The following SSH2 variants were observed in gnomAD, a reference collection of about 807,000 sequenced individuals.
SSH2 encodes the protein protein phosphatase Slingshot homolog 2.
SSH2 carries 37 observed loss-of-function variants against 135.2 expected under a neutral mutation model. The observed-to-expected ratio is 0.27, with a 90% confidence interval of 0.21 to 0.36. The LOEUF (loss-of-function observed/expected upper bound fraction) is 0.36. Ranked by LOEUF, SSH2 falls within the 10% of genes least tolerant of loss-of-function variation. The pLI, the probability that SSH2 is intolerant of heterozygous loss-of-function variation, is 1.00. For synonymous variants in SSH2, 628 were observed against 646.2 expected (o/e 0.97, Z 0.43); for missense variants, 1,408 against 1,765.3 (o/e 0.80, Z 3.63).
At chr17:29,841,892 ATTTTTT>A (rs770836134) in intron 2 of SSH2, among the ~76,000 whole-genome samples, 1 of 99,648 alleles carries the variant, frequency 1.0e-5, no homozygotes, top group African/African-American at 3.9e-5. Context: ...CCCTTGGCTA[ATTTTTT>A]TTTTTTTTTT....
chr17:29,741,794 T>G (rs2040564049), intron 3 of SSH2, among the ~76,000 whole-genome samples: 1 of 151,936 alleles, frequency 6.6e-6, no homozygotes, highest in African/African-American at 2.4e-5. Context: ...TTTTCTATTT[T>G]TGGTAGAGAC....
At chr17:29,884,488 G>C (rs1370421827) in intron 1 of SSH2, among the ~76,000 whole-genome samples, 1 of 152,122 alleles carries the variant, frequency 6.6e-6, no homozygotes, top group African/African-American at 2.4e-5. Context: ...ACAGCTTCAA[G>C]AGACTACAAA....
At chr17:29,924,859 G>A (rs1411558736) in intron 1 of SSH2, among the ~76,000 whole-genome samples, 1 of 152,182 alleles carries the variant, frequency 6.6e-6, no homozygotes, top group East Asian at 1.9e-4. Flanking sequence ...CACAAACTTA[G>A]ATGATTCTGT....
intron 1 of SSH2, chr17:29,856,030 G>C (rs1362102976): frequency 2.6e-6 from 1 of 391,270 alleles, no homozygotes; most frequent in Non-Finnish European, 5.0e-6. Context: ...TACAAGATGA[G>C]GTCTGTGCAT....
intron 3 of SSH2, among the ~76,000 whole-genome samples, chr17:29,756,779 G>A (rs998410022): frequency 6.6e-6 from 1 of 151,740 alleles, no homozygotes; most frequent in Non-Finnish European, 1.5e-5. Flanking sequence ...CTCAGCCTCC[G>A]GAGTAGCTGG....
At chr17:29,667,375 T>C in intron 9 of SSH2, 152 bp from the exon 10 acceptor site, 1 of 630,232 alleles carries the variant, frequency 1.6e-6, no homozygotes. Flanking sequence ...AGAGCGTGGG[T>C]CCCCAGTGAG....
chr17:29,870,086 G>A (rs887252903), intron 1 of SSH2, among the ~76,000 whole-genome samples: 1 of 151,678 alleles, frequency 6.6e-6, no homozygotes, highest in Non-Finnish European at 1.5e-5. Context: ...TCTATTTCTA[G>A]GAATTGATTA....
intron 2 of SSH2, among the ~76,000 whole-genome samples, chr17:29,802,546 T>A (rs1337365079): frequency 7.2e-6 from 1 of 138,802 alleles, no homozygotes; most frequent in Admixed American, 8.1e-5. Flanking sequence ...ACTTTGGAAG[T>A]CCAAGGTAGG....
intron 3 of SSH2, among the ~76,000 whole-genome samples, chr17:29,792,563 G>A (rs1288416805): frequency 3.9e-5 from 6 of 152,020 alleles, no homozygotes; most frequent in Non-Finnish European, 4.4e-5. Flanking sequence ...AAAAACTACC[G>A]ATAATCTCAG....
chr17:29,684,742 T>C (rs2038140408), intron 5 of SSH2, 58 bp from the exon 6 acceptor site: 2 of 1,532,202 alleles, frequency 1.3e-6, no homozygotes, highest in Non-Finnish European at 1.8e-6. Context: ...TTTCAGATCA[T>C]TTCAACCCTT....
intron 8 of SSH2, 36 bp downstream of exon 8, chr17:29,676,783 TA>T: frequency 6.5e-7 from 1 of 1,531,874 alleles, no homozygotes; most frequent in Non-Finnish European, 9.0e-7. Context: ...CCAATAACAT[TA>T]AAACACTTTT....
At chr17:29,717,427 C>T (rs759988792) in intron 3 of SSH2, among the ~76,000 whole-genome samples, 1 of 152,238 alleles carries the variant, frequency 6.6e-6, no homozygotes, top group Non-Finnish European at 1.5e-5. Flanking sequence ...TGAGCCACTG[C>T]GCTCAGCCCA....
intron 3 of SSH2, among the ~76,000 whole-genome samples, chr17:29,742,920 C>G (rs1449609943): frequency 6.6e-6 from 1 of 151,850 alleles, no homozygotes; most frequent in African/African-American, 2.4e-5. Context: ...CAGGCGTGAG[C>G]CCCTGTGCCC....
At chr17:29,798,831 C>T (rs979025268) in intron 2 of SSH2, among the ~76,000 whole-genome samples, 7 of 152,024 alleles carry the variant, frequency 4.6e-5, no homozygotes, top group Admixed American at 1.3e-4. Flanking sequence ...ATTTATTTTC[C>T]GTTTGTCGCC....
intron 1 of SSH2, among the ~76,000 whole-genome samples, chr17:29,894,128 T>A (rs1697695059): frequency 6.6e-6 from 1 of 152,128 alleles, no homozygotes. Context: ...TGCCACTTAC[T>A]GTGTAAGCTT....
At position 29,836,431 on chromosome 17, in the gene SSH2, T is replaced by C. The variant is rs528286537; in HGVS notation, c.144+12418A>G. Among the ~76,000 whole-genome samples the C allele has an allele frequency of 5.3e-5, 8 of 152,328 alleles. No individual in the cohort carries two copies. The South Asian group carries it at 1.7e-3, about 32-fold the overall frequency. ...AGAGTTTGCTTTGTTCATCACTGAA[T>C]ACCCATTGCCTAGTGCTCTGTGCCT... is the stretch of plus-strand genomic sequence containing the variant. On this transcript the variant is annotated intron_variant, in intron 2 of 15. Transcript: ENST00000540801.
chr17:29,796,000 C>G (rs2042149995), intron 2 of SSH2, among the ~76,000 whole-genome samples: 1 of 152,210 alleles, frequency 6.6e-6, no homozygotes, highest in Admixed American at 6.5e-5. Context: ...CCATCGGCCT[C>G]CCAGAGTGCT....
intron 3 of SSH2, among the ~76,000 whole-genome samples, chr17:29,744,147 C>A (rs556946973): frequency 5.1e-4 from 78 of 152,234 alleles, no homozygotes; most frequent in Non-Finnish European, 9.3e-4. Flanking sequence ...CCCCAGAAGC[C>A]CCTGCTGGGG....
chr17:29,768,412 C>T (rs2041497827), intron 3 of SSH2, among the ~76,000 whole-genome samples: 1 of 151,248 alleles, frequency 6.6e-6, no homozygotes, highest in African/African-American at 2.4e-5. Context: ...CCTGGCTCAA[C>T]TTCCAAGTAG....
Sources: gnomAD v4.1 joint callset for allele counts (sites outside exome capture counted in the v4.1 genomes callset) on GRCh38, gnomAD v4.1.1 for gene constraint, MANE v1.5 for transcripts, NCBI Gene and HGNC (gene_info 2026-07-23, HGNC 2026-07-21) for gene names.